TLE1: variants seen among roughly 807,000 people sequenced by gnomAD.
TLE1 encodes TLE family member 1, transcriptional corepressor.
In TLE1, 21 loss-of-function variants were observed where a neutral mutation model predicts 89.8. The ratio of observed to expected loss-of-function variants is 0.23; its 90% CI spans 0.17 to 0.34. TLE1 has a LOEUF of 0.34. Among genes scored for constraint, TLE1 ranks in the 10% least tolerant of loss-of-function variants. TLE1 has a pLI of 1.00. For missense variants in TLE1, 795 were observed against 1,031.2 expected, an observed-to-expected ratio of 0.77 and a Z score of 3.14; for synonymous variants, 447 against 407.6, an observed-to-expected ratio of 1.10 and a Z score of -1.16.
rs150411330 is a variant in TLE1, at chr9:81,656,403, T to G, written c.235-2367A>C. ...CACATTCCTGCAACACTCTGTACATTCCTCTTCTCGGAAATTCACATTGAA... is the reference window on the plus strand; with the variant it reads ...CACATTCCTGCAACACTCTGTACATGCCTCTTCTCGGAAATTCACATTGAA... On this transcript the variant is annotated intron_variant, in intron 4 of 19. Coordinates refer to ENST00000376499, the MANE Select transcript of TLE1 (RefSeq NM_005077.5). Among the ~76,000 whole-genome samples, 4 of 152,296 alleles carry G rather than the reference T, an allele frequency of 2.6e-5. No individual in the cohort carries two copies. The East Asian group carries it at 7.7e-4, about 29-fold the overall frequency.
chr9:81,593,187 C>T lies in TLE1; in HGVS notation c.1419G>A (p.Arg473=), dbSNP rs764415586. 9.3e-6 allele frequency: 15 copies of T among 1,613,932 alleles called. No homozygotes were observed. In the African/African-American group the frequency reaches 1.7e-4, roughly 19 times the overall value. ...TGAGGGTGTTGATCTGGCGAGCATG[C>T]CGGGGGATTCCGGGTCCGATGAGGG... ...PDALIGPGIP[R]HARQINTLNH... Residue 473 remains arginine (R), a synonymous_variant, in exon 15 of 20, where the codon CGG becomes CGA. Coordinates refer to ENST00000376499, the MANE Select transcript of TLE1 (RefSeq NM_005077.5).
At position 81,633,259 on chromosome 9, in the gene TLE1, T is replaced by C. The variant is rs1003863893; in HGVS notation, c.594+89A>G. The C allele has an allele frequency of 2.5e-6, 4 of 1,595,912 alleles. No individual in the cohort carries two copies. The African/African-American group carries it at 4.0e-5, about 16-fold the overall frequency. ...GAGAGTGTGCATGTCTGTCTGTGCC[T>C]GTGTGGAGAAGTGTTGTCAGAAGGG... is the stretch of plus-strand genomic sequence containing the variant. On this transcript the variant is annotated intron_variant, in intron 8 of 19. Transcript: ENST00000376499.
intron 6 of TLE1, among the ~76,000 whole-genome samples, chr9:81,651,681 C>A (rs777709580): frequency 1.3e-5 from 2 of 152,160 alleles, no homozygotes; most frequent in Non-Finnish European, 2.9e-5. Context: ...AATTCAGAGA[C>A]CCATTTTGAC....
At chr9:81,649,686 T>C (rs1039746188) in intron 6 of TLE1, among the ~76,000 whole-genome samples, 1 of 152,158 alleles carries the variant, frequency 6.6e-6, no homozygotes, top group African/African-American at 2.4e-5. Flanking sequence ...TGACAGCTGC[T>C]ATCAAACCAG....
chr9:81,671,937 T>C (rs1347653222), intron 4 of TLE1, among the ~76,000 whole-genome samples: 1 of 152,168 alleles, frequency 6.6e-6, no homozygotes, highest in East Asian at 1.9e-4. Context: ...CTGAGGGAGC[T>C]CATGGCCCAA....
chr9:81,685,921 A>C, intron 2 of TLE1, 25 bp from the exon 3 acceptor site: 2 of 1,611,594 alleles, frequency 1.2e-6, no homozygotes, highest in Non-Finnish European at 8.5e-7. Flanking sequence ...CAGGCAACTT[A>C]ATGTAAACAT....
chr9:81,674,872 A>C (rs965746930), intron 4 of TLE1, among the ~76,000 whole-genome samples: 1 of 152,088 alleles, frequency 6.6e-6, no homozygotes, highest in Non-Finnish European at 1.5e-5. Flanking sequence ...ATGTACATGG[A>C]CGCCAGGTGT....
At chr9:81,592,202 C>CA (rs540636514) in intron 15 of TLE1, among the ~76,000 whole-genome samples, 300 of 152,158 alleles carry the variant, frequency 2.0e-3, no homozygotes, top group African/African-American at 6.9e-3. Context: ...ACTAAAAATA[C>CA]AAAAAATTAG....
chr9:81,631,930 C>T (rs1826669535), intron 8 of TLE1, among the ~76,000 whole-genome samples: 1 of 152,104 alleles, frequency 6.6e-6, no homozygotes, highest in African/African-American at 2.4e-5. Context: ...TGGAGAAACC[C>T]CGTCTGTACT....
chr9:81,685,783 G>C, intron 3 of TLE1, 50 bp downstream of exon 3: 1 of 1,611,604 alleles, frequency 6.2e-7, no homozygotes. Flanking sequence ...CTGCTAACAC[G>C]TTTGCTAATA....
chr9:81,659,821 G>A (rs146556482), intron 4 of TLE1, among the ~76,000 whole-genome samples: 19 of 152,230 alleles, frequency 1.2e-4, no homozygotes, highest in Non-Finnish European at 1.6e-4. Flanking sequence ...ATCTACTTGA[G>A]AGTTTCATCA....
chr9:81,634,952 C>T (rs1465603840), intron 6 of TLE1, among the ~76,000 whole-genome samples: 4 of 152,160 alleles, frequency 2.6e-5, no homozygotes, highest in East Asian at 1.9e-4. Flanking sequence ...ACCACCCAGG[C>T]ACTTATGCCC....
intron 4 of TLE1, among the ~76,000 whole-genome samples, chr9:81,678,447 T>A (rs1385235887): frequency 6.6e-6 from 1 of 152,198 alleles, no homozygotes; most frequent in Non-Finnish European, 1.5e-5. Context: ...CTCTAACTCC[T>A]GGGCTCAAGT....
At chr9:81,592,584 T>A (rs558989748) in intron 15 of TLE1, among the ~76,000 whole-genome samples, 1 of 152,318 alleles carries the variant, frequency 6.6e-6, no homozygotes, top group East Asian at 1.9e-4. Flanking sequence ...CAGGTCTCCC[T>A]TAAAAACACA....
chr9:81,623,103 G>C (rs1357450949), intron 8 of TLE1, among the ~76,000 whole-genome samples: 2 of 152,140 alleles, frequency 1.3e-5, no homozygotes, highest in African/African-American at 2.4e-5. Flanking sequence ...AAACATTCTG[G>C]TTTTTAAACT....
intron 14 of TLE1, among the ~76,000 whole-genome samples, chr9:81,605,563 C>T (rs1831523963): frequency 6.6e-6 from 1 of 152,112 alleles, no homozygotes; most frequent in African/African-American, 2.4e-5. Context: ...TATGGGCAGT[C>T]ATACGTAGAA....
At chr9:81,594,246 T>A (rs1169336223) in intron 14 of TLE1, among the ~76,000 whole-genome samples, 1 of 152,058 alleles carries the variant, frequency 6.6e-6, no homozygotes, top group Non-Finnish European at 1.5e-5. Flanking sequence ...AAGACAGAAA[T>A]CAATTGCTGG....
chr9:81,641,883 G>A (rs1285315471), intron 6 of TLE1, among the ~76,000 whole-genome samples: 1 of 152,164 alleles, frequency 6.6e-6, no homozygotes, highest in Non-Finnish European at 1.5e-5. Context: ...TTAGCCAGGT[G>A]TGGTGGCGCA....
At chr9:81,602,208 A>G (rs1362930224) in intron 14 of TLE1, among the ~76,000 whole-genome samples, 2 of 152,164 alleles carry the variant, frequency 1.3e-5, no homozygotes, top group African/African-American at 4.8e-5. Flanking sequence ...ACAGAGGCTC[A>G]TCCCATTGTG....
Sources: gnomAD v4.1 joint callset for allele counts (sites outside exome capture counted in the v4.1 genomes callset) on GRCh38, gnomAD v4.1.1 for gene constraint, MANE v1.5 for transcripts, NCBI Gene and HGNC (gene_info 2026-07-23, HGNC 2026-07-21) for gene names.